The following ATF6 variants were observed in gnomAD, a reference collection of about 807,000 sequenced individuals.
ATF6 encodes activating transcription factor 6.
ATF6 carries 53 observed loss-of-function variants against 83.6 expected under a neutral mutation model. The observed-to-expected ratio is 0.63, with a 90% CI of 0.51 to 0.80. The LOEUF (loss-of-function observed/expected upper bound fraction) is 0.80, where lower values mean the gene tolerates loss of function less well. Among genes scored for constraint, ATF6 ranks in the 30% least tolerant of loss-of-function variants. The probability of loss-of-function intolerance (pLI) is 0.00; values close to 1 mark genes in which losing one functional copy is unlikely to be tolerated. For synonymous variants in ATF6, 288 were observed against 285.8 expected (o/e 1.01, Z -0.08); for missense variants, 744 against 797.9 (o/e 0.93, Z 0.81).
intron 15 of ATF6, among the ~76,000 whole-genome samples, chr1:161,937,764 T>C (rs1688567722): frequency 6.6e-6 from 1 of 151,798 alleles, no homozygotes; most frequent in Non-Finnish European, 1.5e-5. Context: ...AGGTGAGGGA[T>C]AGCATTAGGA....
intron 14 of ATF6, among the ~76,000 whole-genome samples, chr1:161,887,393 G>A (rs1347224187): frequency 6.6e-6 from 1 of 152,086 alleles, no homozygotes; most frequent in African/African-American, 2.4e-5. Flanking sequence ...AGCATTTTAT[G>A]ATGCTCACTA....
At chr1:161,779,746 T>A (rs1309909445) in intron 2 of ATF6, among the ~76,000 whole-genome samples, 1 of 150,952 alleles carries the variant, frequency 6.6e-6, no homozygotes, top group African/African-American at 2.4e-5. Context: ...GCTGCTTAAT[T>A]TTTTTTTTTA....
intron 15 of ATF6, among the ~76,000 whole-genome samples, chr1:161,956,107 A>G (rs1308742999): frequency 6.6e-6 from 1 of 152,214 alleles, no homozygotes; most frequent in African/African-American, 2.4e-5. Context: ...AAACCATAAC[A>G]GGCACGTGGG....
chr1:161,833,261 C>G (rs901580173), intron 9 of ATF6, among the ~76,000 whole-genome samples: 3 of 152,104 alleles, frequency 2.0e-5, no homozygotes, highest in Non-Finnish European at 4.4e-5. Context: ...CTGTACGTCA[C>G]CATCATCAAA....
intron 13 of ATF6, among the ~76,000 whole-genome samples, chr1:161,862,464 T>A (rs1275248501): frequency 1.3e-5 from 2 of 152,188 alleles, no homozygotes; most frequent in Non-Finnish European, 2.9e-5. Context: ...TTGACTGTAT[T>A]TTTTGGGGCA....
chr1:161,774,550 T>C (rs1360370046), intron 1 of ATF6, among the ~76,000 whole-genome samples: 1 of 152,092 alleles, frequency 6.6e-6, no homozygotes, highest in Non-Finnish European at 1.5e-5. Context: ...GACTCCTCAG[T>C]TGTTAAATTT....
chr1:161,825,939 C>G (rs1685885038), intron 9 of ATF6, among the ~76,000 whole-genome samples: 1 of 152,160 alleles, frequency 6.6e-6, no homozygotes, highest in Admixed American at 6.5e-5. Flanking sequence ...AACTCAGGTC[C>G]AGCTGGAAGG....
At chr1:161,910,732 C>A (rs1180479084) in intron 14 of ATF6, among the ~76,000 whole-genome samples, 2 of 152,200 alleles carry the variant, frequency 1.3e-5, no homozygotes, top group African/African-American at 2.4e-5. Flanking sequence ...GTATAACTTT[C>A]ATGGCTTGAA....
At chr1:161,774,563 C>T (rs917788598) in intron 1 of ATF6, among the ~76,000 whole-genome samples, 1 of 152,130 alleles carries the variant, frequency 6.6e-6, no homozygotes, top group Non-Finnish European at 1.5e-5. Flanking sequence ...TTAAATTTTA[C>T]TGCATTTACT....
chr1:161,858,270 A>C (rs776419346), intron 12 of ATF6, among the ~76,000 whole-genome samples: 12 of 152,200 alleles, frequency 7.9e-5, no homozygotes, highest in Non-Finnish European at 1.3e-4. Flanking sequence ...CTTAAATCCA[A>C]CCATATTAGT....
At chr1:161,888,405 A>T (rs1473136494) in intron 14 of ATF6, among the ~76,000 whole-genome samples, 2 of 152,178 alleles carry the variant, frequency 1.3e-5, no homozygotes, top group Non-Finnish European at 2.9e-5. Flanking sequence ...ATTGTGGTCA[A>T]TATTTGATTT....
chr1:161,869,301 A>T (rs963917519), intron 14 of ATF6, among the ~76,000 whole-genome samples: 1 of 152,004 alleles, frequency 6.6e-6, no homozygotes, highest in African/African-American at 2.4e-5. Flanking sequence ...AAAATTCAAC[A>T]TATGTATATA....
At chr1:161,837,749 A>T (rs1273898120) in intron 9 of ATF6, among the ~76,000 whole-genome samples, 1 of 152,084 alleles carries the variant, frequency 6.6e-6, no homozygotes, top group East Asian at 1.9e-4. Flanking sequence ...GGTTGATACC[A>T]TGTGTGCTTG....
intron 2 of ATF6, among the ~76,000 whole-genome samples, chr1:161,779,679 A>T (rs1239121160): frequency 6.6e-6 from 1 of 152,212 alleles, no homozygotes; most frequent in Non-Finnish European, 1.5e-5. Flanking sequence ...GGCAAGCAAC[A>T]TTGGTAACTT....
intron 7 of ATF6, among the ~76,000 whole-genome samples, chr1:161,803,272 C>G (rs1178532425): frequency 1.3e-5 from 2 of 152,092 alleles, no homozygotes; most frequent in African/African-American, 4.8e-5. Context: ...GTAATCTCAG[C>G]CAGCAATATT....
intron 14 of ATF6, among the ~76,000 whole-genome samples, chr1:161,884,081 TA>T (rs1459530537): frequency 6.6e-6 from 1 of 152,080 alleles, no homozygotes; most frequent in Non-Finnish European, 1.5e-5. Flanking sequence ...ATTCTCCTCC[TA>T]GGATTATTTG....
chr1:161,865,898 C>T (rs998074993), intron 14 of ATF6, among the ~76,000 whole-genome samples: 4 of 151,938 alleles, frequency 2.6e-5, no homozygotes, highest in Non-Finnish European at 5.9e-5. Context: ...GAATTTTGTT[C>T]TTTAATACCT....
intron 14 of ATF6, among the ~76,000 whole-genome samples, chr1:161,869,477 G>A (rs1027511297): frequency 2.6e-5 from 4 of 151,772 alleles, no homozygotes; most frequent in African/African-American, 4.8e-5. Flanking sequence ...TTGGAGTTTG[G>A]CCATTTTCTT....
At chr1:161,796,144 A>G (rs1437427438) in intron 6 of ATF6, among the ~76,000 whole-genome samples, 2 of 152,222 alleles carry the variant, frequency 1.3e-5, no homozygotes, top group Admixed American at 1.3e-4. Flanking sequence ...AATTGGTAGT[A>G]CAGATTTGGA....
Sources: gnomAD v4.1 joint callset for allele counts (sites outside exome capture counted in the v4.1 genomes callset) on GRCh38, gnomAD v4.1.1 for gene constraint, MANE v1.5 for transcripts, NCBI Gene and HGNC (gene_info 2026-07-23, HGNC 2026-07-21) for gene names.